The following ZRSR2 variants were observed in gnomAD, a reference collection of about 807,000 sequenced individuals.
ZRSR2 encodes U2 small nuclear ribonucleoprotein auxiliary factor 35 kDa subunit-related protein 2.
Under a neutral mutation model 39.4 loss-of-function variants are expected in ZRSR2, and 3 were observed. That is an observed-to-expected ratio of 0.08 (90% CI 0.03 to 0.20). ZRSR2 has a LOEUF of 0.20. ZRSR2 is among the 10% of genes least tolerant of loss of function. ZRSR2 has a pLI of 1.00. For synonymous variants in ZRSR2, 137 were observed against 136.0 expected (o/e 1.01, Z -0.05); for missense variants, 256 against 391.5 (o/e 0.65, Z 2.92).
intron 7 of ZRSR2, among the ~76,000 whole-genome samples, 174 bp from the exon 8 acceptor site, chrX:15,815,503 C>T (rs2147288693): frequency 8.9e-6 from 1 of 112,393 alleles, no homozygotes; most frequent in African/African-American, 3.2e-5. Context: ...ATTGGGGTTT[C>T]ACCATGTTAG....
At chrX:15,811,949 A>C (rs1237108408) in intron 7 of ZRSR2, among the ~76,000 whole-genome samples, 1 of 110,566 alleles carries the variant, frequency 9.0e-6, no homozygotes, top group Non-Finnish European at 1.9e-5. Flanking sequence ...TTCTTTTTTG[A>C]GACGGAGTCT....
At chrX:15,809,451 T>C in intron 7 of ZRSR2, 133 bp downstream of exon 7, 4 of 491,482 alleles carry the variant, frequency 8.1e-6, no homozygotes, top group Non-Finnish European at 1.4e-5. Flanking sequence ...TTCTTGCTGC[T>C]GCTCTCGTTT....
At chrX:15,804,411 A>T (rs1032563507) in intron 5 of ZRSR2, among the ~76,000 whole-genome samples, 5 of 111,300 alleles carry the variant, frequency 4.5e-5, no homozygotes, top group African/African-American at 1.3e-4. Flanking sequence ...CTTCAGCTTT[A>T]CCCTATTTAC....
At chrX:15,791,137 C>G (rs1317637628) in intron 2 of ZRSR2, 124 bp downstream of exon 2, 2 of 575,562 alleles carry the variant, frequency 3.5e-6, no homozygotes, top group Admixed American at 6.4e-5. Flanking sequence ...GCTGTGACTT[C>G]TGCCCCCAAG....
intron 2 of ZRSR2, among the ~76,000 whole-genome samples, chrX:15,793,804 C>T (rs1439821295): frequency 1.8e-5 from 2 of 112,488 alleles, no homozygotes; most frequent in African/African-American, 3.2e-5. Context: ...TCCCAAAGTG[C>T]TGGGATTACA....
intron 5 of ZRSR2, among the ~76,000 whole-genome samples, chrX:15,804,868 T>C (rs1287869311): frequency 2.6e-5 from 2 of 75,964 alleles, no homozygotes; most frequent in African/African-American, 1.1e-4. Context: ...TAACACACAG[T>C]TGCTTATTTA....
chrX:15,810,868 AAAAT>A (rs200865847), intron 7 of ZRSR2, among the ~76,000 whole-genome samples: 2,680 of 106,234 alleles, frequency 0.025, 86 homozygotes, highest in African/African-American at 0.086. Flanking sequence ...AAAAAAAAGT[AAAAT>A]AAATAAATAA....
intron 9 of ZRSR2, among the ~76,000 whole-genome samples, chrX:15,819,714 A>C (rs1443814816): frequency 8.9e-6 from 1 of 112,296 alleles, no homozygotes; most frequent in Non-Finnish European, 1.9e-5. Flanking sequence ...GATAACTAGA[A>C]TAGAGAACAT....
Position 15,805,511 on chromosome X carries a change from G to A in ZRSR2, c.399+1314G>A, listed in dbSNP as rs145344273. On this transcript the variant is annotated intron_variant, in intron 5 of 10. Transcript: ENST00000307771. The stretch of plus-strand genomic sequence containing the variant: ...GTTCCTGCTGTATGCTAGACACTTC[G>A]CTAGCGGACAGAGACAGAGCAGTGA... Among the ~76,000 whole-genome samples, 249 of 112,362 alleles carry A rather than the reference G, an allele frequency of 2.2e-3. 1 individual carries two copies. The highest frequency in any genetic ancestry group is 7.6e-3 in the African/African-American group (234 of 30,928).
intron 7 of ZRSR2, among the ~76,000 whole-genome samples, chrX:15,811,114 T>C (rs1272901774): frequency 9.1e-6 from 1 of 109,959 alleles, no homozygotes; most frequent in Non-Finnish European, 1.9e-5. Context: ...AAGCCTCCTC[T>C]TGAAAAACTG....
At chrX:15,807,746 G>A (rs1043785146) in intron 5 of ZRSR2, among the ~76,000 whole-genome samples, 5 of 110,230 alleles carry the variant, frequency 4.5e-5, no homozygotes, top group African/African-American at 9.9e-5. Flanking sequence ...TGAATAGAAC[G>A]TCTCAGCTAT....
At chrX:15,818,071 G>A (rs1213166462) in intron 8 of ZRSR2, among the ~76,000 whole-genome samples, 1 of 111,911 alleles carries the variant, frequency 8.9e-6, no homozygotes, top group African/African-American at 3.2e-5. Context: ...GCATGCATAT[G>A]ATGTATGTAT....
At chrX:15,795,951 T>C (rs1412196869) in intron 2 of ZRSR2, among the ~76,000 whole-genome samples, 1 of 111,870 alleles carries the variant, frequency 8.9e-6, no homozygotes, top group Non-Finnish European at 1.9e-5. Flanking sequence ...TGAAACCCTG[T>C]CTCTGCTAAA....
intron 10 of ZRSR2, among the ~76,000 whole-genome samples, chrX:15,821,880 A>G (rs1193341493): frequency 1.8e-5 from 2 of 111,703 alleles, no homozygotes; most frequent in South Asian, 3.7e-4. Context: ...AATAGATTTT[A>G]TCTGTGATAA....
At chrX:15,794,202 A>G (rs970725768) in intron 2 of ZRSR2, among the ~76,000 whole-genome samples, 2 of 111,402 alleles carry the variant, frequency 1.8e-5, no homozygotes, top group South Asian at 7.5e-4. Context: ...TCCAATGAGC[A>G]TTTCCTTTGA....
chrX:15,791,764 C>A (rs1391137113), intron 2 of ZRSR2, among the ~76,000 whole-genome samples: 6 of 108,078 alleles, frequency 5.6e-5, no homozygotes, highest in African/African-American at 2.0e-4. Flanking sequence ...TCAAGCAGTT[C>A]TCCTGCTGCA....
Position 15,799,972 on chromosome X carries a change from A to G in ZRSR2, c.203+19A>G. On this transcript the variant is annotated intron_variant, in intron 3 of 10. Coordinates refer to ENST00000307771, the MANE Select transcript of ZRSR2 (RefSeq NM_005089.4). ...GAGAGAGGTCAGTGCTAATTGAAAC[A>G]CTTAAAGTGAATGAAGTTATTTTAT... 1 of 1,072,238 alleles carries G rather than the reference A, an allele frequency of 9.3e-7. No homozygotes were observed. The highest frequency in any genetic ancestry group is 1.3e-6 in the Non-Finnish European group (1 of 790,571). 88.4% of individuals were successfully genotyped at this position (1,072,238 alleles called of 1,213,427 possible).
intron 7 of ZRSR2, among the ~76,000 whole-genome samples, chrX:15,811,953 G>T (rs950051286): frequency 2.7e-5 from 3 of 110,175 alleles, no homozygotes; most frequent in Admixed American, 1.9e-4. Context: ...TTTTTGAGAC[G>T]GAGTCTCGCT....
chrX:15,793,830 G>A (rs1229740980), intron 2 of ZRSR2, among the ~76,000 whole-genome samples: 1 of 112,343 alleles, frequency 8.9e-6, no homozygotes, highest in Non-Finnish European at 1.9e-5. Flanking sequence ...GAGCCACTGC[G>A]CCCGGCCAGG....
Sources: allele counts gnomAD v4.1 joint callset (sites outside exome capture counted in the v4.1 genomes callset), GRCh38; gene constraint gnomAD v4.1.1; transcripts MANE v1.5; gene names NCBI Gene and HGNC (gene_info 2026-07-23, HGNC 2026-07-21).